Variants in LUC7L observed in about 807,000 individuals in gnomAD.
LUC7L encodes LUC7 like, also known as putative RNA-binding protein Luc7-like 1.
Under a neutral mutation model 51.1 loss-of-function variants are expected in LUC7L, and 29 were observed. That is an observed-to-expected ratio of 0.57 (90% CI 0.42 to 0.77). The LOEUF (loss-of-function observed/expected upper bound fraction) is 0.77, where lower values mean the gene tolerates loss of function less well. Ranked by LOEUF, LUC7L falls within the 30% of genes least tolerant of loss-of-function variation. The pLI is 0.00. For missense variants in LUC7L, 403 were observed against 511.9 expected, an observed-to-expected ratio of 0.79 and a Z score of 2.05; for synonymous variants, 181 against 180.7, an observed-to-expected ratio of 1.00 and a Z score of -0.01.
intron 9 of LUC7L, chr16:189,665 A>G: frequency 3.0e-6 from 4 of 1,327,982 alleles, no homozygotes; most frequent in Non-Finnish European, 3.8e-6. Context: ...AAACCAAAAC[A>G]GAGGTAAGCA....
intron 5 of LUC7L, among the ~76,000 whole-genome samples, chr16:204,786 T>TAC (rs1407115019): frequency 6.6e-6 from 1 of 152,166 alleles, no homozygotes; most frequent in Non-Finnish European, 1.5e-5. Flanking sequence ...TTTCTTGTAA[T>TAC]ATCATGGCTG....
intron 3 of LUC7L, 121 bp downstream of exon 3, chr16:220,528 G>T: frequency 1.4e-6 from 1 of 732,318 alleles, no homozygotes; most frequent in Non-Finnish European, 2.4e-6. Flanking sequence ...AGCTTGAGTG[G>T]CAGGATAACA....
At chr16:203,163 A>G (rs1254496314) in intron 5 of LUC7L, among the ~76,000 whole-genome samples, 2 of 152,086 alleles carry the variant, frequency 1.3e-5, no homozygotes, top group African/African-American at 4.8e-5. Flanking sequence ...AAAGTATAAT[A>G]ATGTTGAAAG....
At chr16:192,117 C>G (rs1360207203) in intron 7 of LUC7L, among the ~76,000 whole-genome samples, 3 of 152,104 alleles carry the variant, frequency 2.0e-5, no homozygotes, top group Non-Finnish European at 4.4e-5. Flanking sequence ...CAACTCCGGG[C>G]CAGAAACCAG....
intron 1 of LUC7L, chr16:229,003 G>T (rs1168216930): frequency 2.1e-6 from 3 of 1,440,580 alleles, no homozygotes; most frequent in East Asian, 2.8e-5. Context: ...CGCGGCGCCC[G>T]CCGGGGAGGA....
At chr16:226,595 T>C (rs1468585464) in intron 2 of LUC7L, among the ~76,000 whole-genome samples, 1 of 152,170 alleles carries the variant, frequency 6.6e-6, no homozygotes, top group African/African-American at 2.4e-5. Flanking sequence ...TCAACTGATT[T>C]TTAAAAACCA....
intron 2 of LUC7L, among the ~76,000 whole-genome samples, chr16:222,421 T>C (rs1260332895): frequency 2.0e-5 from 3 of 151,662 alleles, no homozygotes; most frequent in Non-Finnish European, 2.9e-5. Flanking sequence ...GAGGATCACT[T>C]GAGCCCAGGA....
intron 3 of LUC7L, among the ~76,000 whole-genome samples, chr16:210,480 C>G (rs1323004583): frequency 2.0e-5 from 3 of 152,112 alleles, no homozygotes; most frequent in Non-Finnish European, 4.4e-5. Flanking sequence ...AAGGAGCTGA[C>G]AAGGGTCACT....
chr16:226,404 C>T (rs1366183801), intron 2 of LUC7L, among the ~76,000 whole-genome samples: 3 of 152,160 alleles, frequency 2.0e-5, no homozygotes, highest in Non-Finnish European at 4.4e-5. Flanking sequence ...CCACAGATAA[C>T]CTTCCACTAT....
chr16:189,499 G>A (rs1030397099), intron 9 of LUC7L, 160 bp from the exon 10 acceptor site: 1 of 1,418,868 alleles, frequency 7.0e-7, no homozygotes. Flanking sequence ...ACCACATATG[G>A]AGTGTTAGAT....
intron 5 of LUC7L, among the ~76,000 whole-genome samples, chr16:205,726 A>C (rs550997744): frequency 6.6e-6 from 1 of 152,226 alleles, no homozygotes; most frequent in Non-Finnish European, 1.5e-5. Flanking sequence ...AGCAGCTGGG[A>C]CTACAGGTGC....
At chr16:223,310 C>T (rs191077404) in intron 2 of LUC7L, among the ~76,000 whole-genome samples, 3 of 152,098 alleles carry the variant, frequency 2.0e-5, no homozygotes, top group Admixed American at 2.0e-4. Context: ...GATCGCACCA[C>T]TGCACTCCAG....
At chr16:210,337 C>A (rs112148649) in intron 3 of LUC7L, among the ~76,000 whole-genome samples, 6,693 of 152,198 alleles carry the variant, frequency 0.044, 486 homozygotes, top group African/African-American at 0.15. Flanking sequence ...ATTCTCTAGT[C>A]AACATTTCAG....
At chr16:196,381 C>G (rs888559603) in intron 6 of LUC7L, among the ~76,000 whole-genome samples, 2 of 151,870 alleles carry the variant, frequency 1.3e-5, no homozygotes, top group Admixed American at 1.3e-4. Context: ...GCACTCCAGC[C>G]TGGGTGACAG....
At chr16:218,044 T>A (rs191033395) in intron 3 of LUC7L, among the ~76,000 whole-genome samples, 6 of 127,338 alleles carry the variant, frequency 4.7e-5, no homozygotes, top group South Asian at 2.5e-4. Context: ...AAAAAAAAAA[T>A]TAGCCAGGCA....
intron 4 of LUC7L, among the ~76,000 whole-genome samples, chr16:207,279 T>A (rs1465634552): frequency 3.3e-5 from 5 of 151,890 alleles, no homozygotes; most frequent in Non-Finnish European, 7.4e-5. Context: ...TGAAGCAAAG[T>A]AGCATGATCA....
Position 229,346 on chromosome 16 carries a change from C to T in LUC7L, c.-7G>A. 2.0e-6 allele frequency: 3 copies of T among 1,499,190 alleles called. No individual in the cohort carries two copies. The highest frequency in any genetic ancestry group is 2.7e-6 in the Non-Finnish European group (3 of 1,127,324). 92.9% of individuals were successfully genotyped at this position (1,499,190 alleles called of 1,614,324 possible). ...TCTGCGCCTGGGCGGACATGGTAGC[C>T]GGCGGAGGCGACGGGGTCGGCCGCG... On this transcript the variant is annotated 5_prime_UTR_variant, in exon 1 of 10. Coordinates refer to ENST00000293872, the MANE Select transcript of LUC7L (RefSeq NM_201412.3).
intron 7 of LUC7L, among the ~76,000 whole-genome samples, chr16:192,125 C>T (rs1454560930): frequency 6.6e-6 from 1 of 152,096 alleles, no homozygotes; most frequent in African/African-American, 2.4e-5. Context: ...GGCCAGAAAC[C>T]AGGAGACCAG....
In LUC7L at chr16:226,614, C is replaced by T. The variant is rs116471984; in HGVS notation, c.156+628G>A. Among the ~76,000 whole-genome samples the T allele has an allele frequency of 2.8e-3, 430 of 152,146 alleles. 3 individuals carry two copies. Among genetic ancestry groups the T allele is most frequent in the African/African-American group, 9.6e-3 (398 of 41,508 alleles). ...CTGATTTTTAAAAACCAAAAAATTGCGGGAAGAAAATGTACCTTGCTAGAT... is the reference window on the plus strand; with the variant it reads ...CTGATTTTTAAAAACCAAAAAATTGTGGGAAGAAAATGTACCTTGCTAGAT... On this transcript the variant is annotated intron_variant, in intron 2 of 9. Coordinates refer to ENST00000293872, the MANE Select transcript of LUC7L (RefSeq NM_201412.3).
Sources: allele counts gnomAD v4.1 joint callset (sites outside exome capture counted in the v4.1 genomes callset), GRCh38; gene constraint gnomAD v4.1.1; transcripts MANE v1.5; gene names NCBI Gene and HGNC (gene_info 2026-07-23, HGNC 2026-07-21).